Variants in MKNK2 observed in about 807,000 individuals in gnomAD.
MKNK2 encodes MAPK interacting serine/threonine kinase 2.
In MKNK2, 54 loss-of-function variants were observed where a neutral mutation model predicts 55.0. The ratio of observed to expected loss-of-function variants is 0.98; its 90% CI spans 0.79 to 1.23. MKNK2 has a LOEUF of 1.23. Among genes scored for constraint, MKNK2 ranks in the 50% most tolerant of loss-of-function variants. The pLI is 0.00. For synonymous variants in MKNK2, 323 were observed against 256.0 expected (o/e 1.26, Z -2.50); for missense variants, 685 against 632.1 (o/e 1.08, Z -0.90).
Position 2,038,069 on chromosome 19 carries a change from T to C in MKNK2, c.*1544A>G. 8.3e-7 allele frequency: 1 copy of C among 1,204,898 alleles called. No individual in the cohort carries two copies. The highest frequency in any genetic ancestry group is 1.0e-6 in the Non-Finnish European group (1 of 959,902). 74.6% of individuals were successfully genotyped at this position (1,204,898 alleles called of 1,614,324 possible). On this transcript the variant is annotated 3_prime_UTR_variant, in exon 14 of 14. Coordinates refer to ENST00000250896, the MANE Select transcript of MKNK2 (RefSeq NM_199054.3). ...GTCTTTGGAAGGGGCAGTCCACAGA[T>C]ATGGGCAGTGGGGACCAGGGAAGGC...
Position 2,038,610 on chromosome 19 carries a change from G to GGCT in MKNK2, c.*1000_*1002dup. On this transcript the variant is annotated 3_prime_UTR_variant, in exon 14 of 14. Transcript: ENST00000250896. ...GGATTCGGCCAGACCCCGGGGTCTG[G>GGCT]GCTCAGCTCTAAGGACAAGGACGGA... 1 of 985,404 alleles carries GGCT rather than the reference G, an allele frequency of 1.0e-6. No individual in the cohort carries two copies. Among genetic ancestry groups the GGCT allele is most frequent in the Non-Finnish European group, 1.2e-6 (1 of 829,880 alleles). The allele number at this position is 985,404 out of a possible 1,614,324, so 61.0% of individuals were successfully genotyped here. A position where few individuals can be genotyped will look rare whatever the true frequency, so the allele number is the denominator to read the frequency against.
rs1348685375 is a variant in MKNK2, at chr19:2,039,226, T to C, written c.*387A>G. The C allele has an allele frequency of 1.9e-6, 2 of 1,065,646 alleles. No homozygotes were observed. Among genetic ancestry groups the C allele is most frequent in the African/African-American group, 1.6e-5 (1 of 60,618 alleles). The allele number at this position is 1,065,646 out of a possible 1,614,324, so 66.0% of individuals were successfully genotyped here. ...CCCAGCTCTGCAAGATGGCAAACGCTGTGGGCCTGCTCTCCTGAGTCACTG... is the reference window on the plus strand; with the variant it reads ...CCCAGCTCTGCAAGATGGCAAACGCCGTGGGCCTGCTCTCCTGAGTCACTG... On this transcript the variant is annotated 3_prime_UTR_variant, in exon 14 of 14. Coordinates refer to ENST00000250896, the MANE Select transcript of MKNK2 (RefSeq NM_199054.3).
chr19:2,046,526 AC>A (rs769892938), intron 3 of MKNK2, 58 bp from the exon 4 acceptor site: 20 of 1,560,216 alleles, frequency 1.3e-5, no homozygotes, highest in Middle Eastern at 1.7e-4. Context: ...GCCGGCCCCC[AC>A]CCCCCTGCAG....
In MKNK2 at chr19:2,037,890, C is replaced by A; in HGVS notation, c.*1723G>T. The A allele has an allele frequency of 6.7e-7, 1 of 1,494,202 alleles. No individual in the cohort carries two copies. The highest frequency in any genetic ancestry group is 9.0e-7 in the Non-Finnish European group (1 of 1,108,554). 92.6% of individuals were successfully genotyped at this position (1,494,202 alleles called of 1,614,324 possible). A position where few individuals can be genotyped will look rare whatever the true frequency, so the allele number is the denominator to read the frequency against. ...CTGCTAGCCACTCAGCTTTAGAGAC[C>A]CGATGGCTATGGGCGCCTGCAGCGG... On this transcript the variant is annotated 3_prime_UTR_variant, in exon 14 of 14. Coordinates refer to ENST00000250896, the MANE Select transcript of MKNK2 (RefSeq NM_199054.3).
chr19:2,038,228 CA>C lies in MKNK2; in HGVS notation c.*1384del. On this transcript the variant is annotated 3_prime_UTR_variant, in exon 14 of 14. Transcript: ENST00000250896. Reference sequence around the variant, plus strand: ...CAAGTATTCTTCAAGAACAGGGAAGCAAAGTCCATCGATGTGTTGTTTTTTT... The same window carrying C: ...CAAGTATTCTTCAAGAACAGGGAAGCAAGTCCATCGATGTGTTGTTTTTTT... The C allele has an allele frequency of 2.0e-6, 2 of 992,664 alleles. No homozygotes were observed. The highest frequency in any genetic ancestry group is 4.7e-5 in the South Asian group (1 of 21,454). The allele number at this position is 992,664 out of a possible 1,614,324, so 61.5% of individuals were successfully genotyped here. A position where few individuals can be genotyped will look rare whatever the true frequency, so the allele number is the denominator to read the frequency against.
Position 2,037,689 on chromosome 19 carries a change from C to T in MKNK2, c.*1924G>A, listed in dbSNP as rs756358905. Reference sequence around the variant, plus strand: ...GTAACATTAACACATGGCCGTTCACCGTCCCCCAGCGATGGGAGCTGGCCT... The same window carrying T: ...GTAACATTAACACATGGCCGTTCACTGTCCCCCAGCGATGGGAGCTGGCCT... On this transcript the variant is annotated 3_prime_UTR_variant, in exon 14 of 14. Transcript: ENST00000250896. 28 of 1,317,928 alleles carry T rather than the reference C, an allele frequency of 2.1e-5. 1 individual carries two copies. The highest frequency in any genetic ancestry group is 7.0e-5 in the Admixed American group (3 of 42,554). The allele number at this position is 1,317,928 out of a possible 1,614,324, so 81.6% of individuals were successfully genotyped here. A position where few individuals can be genotyped will look rare whatever the true frequency, so the allele number is the denominator to read the frequency against.
intron 12 of MKNK2, 85 bp from the exon 13 acceptor site, chr19:2,040,262 C>T (rs1308217945): frequency 1.7e-6 from 2 of 1,189,744 alleles, no homozygotes; most frequent in Admixed American, 2.8e-5. Context: ...CAAGGGATGC[C>T]ATGCCCATCC....
Position 2,039,072 on chromosome 19 carries a change from A to G in MKNK2, c.*541T>C. ...ACCTGCCTGCCTGACACCTCCAGAG[A>G]CAGGCAGCCCCTCCCTTCCCCAACC... On this transcript the variant is annotated 3_prime_UTR_variant, in exon 14 of 14. Transcript: ENST00000250896. 1.0e-6 allele frequency: 1 copy of G among 986,786 alleles called. No homozygotes were observed. The highest frequency in any genetic ancestry group is 1.1e-4 in the East Asian group (1 of 8,812). The allele number at this position is 986,786 out of a possible 1,614,324, so 61.1% of individuals were successfully genotyped here.
chr19:2,042,075 C>T, intron 10 of MKNK2, 41 bp from the exon 11 acceptor site: 4 of 1,440,194 alleles, frequency 2.8e-6, no homozygotes, highest in Admixed American at 2.8e-5. Flanking sequence ...GGTTTCCCAG[C>T]ATTACGTGGG....
Position 2,038,941 on chromosome 19 carries a change from C to T in MKNK2, c.*672G>A, listed in dbSNP as rs1411111529. The T allele has an allele frequency of 1.0e-6, 1 of 985,796 alleles. No individual in the cohort carries two copies. The highest frequency in any genetic ancestry group is 1.2e-6 in the Non-Finnish European group (1 of 830,034). 61.1% of individuals were successfully genotyped at this position (985,796 alleles called of 1,614,324 possible). The stretch of plus-strand genomic sequence containing the variant: ...CTGGCCACCAGGAGTCCTGGACAGA[C>T]AGACGGGCCTTGCAGGAAGCCCCGA... On this transcript the variant is annotated 3_prime_UTR_variant, in exon 14 of 14. Coordinates refer to ENST00000250896, the MANE Select transcript of MKNK2 (RefSeq NM_199054.3).
rs1425202028 is a variant in MKNK2, at chr19:2,040,948, C to T, written c.1110+92G>A. The stretch of plus-strand genomic sequence containing the variant: ...AAGCCTCAGTGCATCTCAGGGTGTC[C>T]AGGCTACACCCTCAGGGCTTCCCAT... On this transcript the variant is annotated intron_variant, in intron 12 of 13. Transcript: ENST00000250896. 12 of 1,266,194 alleles carry T rather than the reference C, an allele frequency of 9.5e-6. No homozygotes were observed. In the Admixed American group the frequency reaches 2.1e-4, roughly 23 times the overall value. 78.4% of individuals were successfully genotyped at this position (1,266,194 alleles called of 1,614,324 possible).
chr19:2,047,795 G>C (rs1487551090), intron 2 of MKNK2, among the ~76,000 whole-genome samples: 1 of 152,076 alleles, frequency 6.6e-6, no homozygotes, highest in African/African-American at 2.4e-5. Context: ...TCAGTGCCTG[G>C]TGCTCTGGGG....
intron 9 of MKNK2, 36 bp downstream of exon 9, chr19:2,042,571 C>A: frequency 1.3e-6 from 2 of 1,572,900 alleles, no homozygotes; most frequent in Non-Finnish European, 1.7e-6. Context: ...CGCGGTCCAC[C>A]CCTCCCGCGG....
intron 2 of MKNK2, 56 bp downstream of exon 2, chr19:2,050,745 G>A (rs929595074): frequency 1.1e-5 from 16 of 1,489,152 alleles, no homozygotes; most frequent in Admixed American, 4.1e-5. Context: ...CGCCCCCCAC[G>A]CCGGCCATTC....
Position 2,039,407 on chromosome 19 carries a change from A to G in MKNK2, c.*206T>C. The G allele has an allele frequency of 7.1e-7, 1 of 1,403,290 alleles. No homozygotes were observed. The highest frequency in any genetic ancestry group is 9.2e-7 in the Non-Finnish European group (1 of 1,081,180). The allele number at this position is 1,403,290 out of a possible 1,614,324, so 86.9% of individuals were successfully genotyped here. ...TGCAATGCTTTTAACCATCCAAAGG[A>G]AAAAATAACGGGGAGGGGTGGAAAC... On this transcript the variant is annotated 3_prime_UTR_variant, in exon 14 of 14. Transcript: ENST00000250896.
chr19:2,043,263 G>A (rs891776970), intron 6 of MKNK2, 66 bp from the exon 7 acceptor site: 66 of 1,339,030 alleles, frequency 4.9e-5, no homozygotes, highest in Admixed American at 6.8e-5. Context: ...CCTGCTGCCC[G>A]GCCTAGGAGG....
chr19:2,044,433 C>T (rs1304083301), intron 5 of MKNK2, among the ~76,000 whole-genome samples: 2 of 152,252 alleles, frequency 1.3e-5, no homozygotes, highest in African/African-American at 4.8e-5. Context: ...TCCAGCTGCT[C>T]CCTGCCACCT....
intron 2 of MKNK2, 76 bp from the exon 3 acceptor site, chr19:2,046,767 T>A: frequency 8.3e-7 from 1 of 1,203,798 alleles, no homozygotes. Context: ...CCTGCCCCAG[T>A]GTCGCAGCGT....
At chr19:2,046,733 T>A in intron 2 of MKNK2, 42 bp from the exon 3 acceptor site, 1 of 1,443,090 alleles carries the variant, frequency 6.9e-7, no homozygotes, top group Non-Finnish European at 9.2e-7. Context: ...GCCCCATCCC[T>A]GCCCACGCAG....
Sources: gnomAD v4.1 joint callset for allele counts (sites outside exome capture counted in the v4.1 genomes callset) on GRCh38, gnomAD v4.1.1 for gene constraint, MANE v1.5 for transcripts, NCBI Gene and HGNC (gene_info 2026-07-23, HGNC 2026-07-21) for gene names.